CNTNAP2: variants seen among roughly 807,000 people sequenced by gnomAD.
CNTNAP2 encodes the protein contactin associated protein 2, also known as contactin-associated protein-like 2.
Under a neutral mutation model 155.2 loss-of-function variants are expected in CNTNAP2, and 98 were observed. The observed-to-expected ratio is 0.63, with a 90% CI of 0.54 to 0.75. The LOEUF (loss-of-function observed/expected upper bound fraction) is 0.75, where lower values mean the gene tolerates loss of function less well. Ranked by LOEUF, CNTNAP2 falls within the 30% of genes least tolerant of loss-of-function variation. The pLI is 0.00. For missense variants in CNTNAP2, 1,727 were observed against 1,688.1 expected, an observed-to-expected ratio of 1.02 and a Z score of -0.40; for synonymous variants, 651 against 631.2, an observed-to-expected ratio of 1.03 and a Z score of -0.47.
chr7:148,187,816 C>T lies in CNTNAP2; in HGVS notation c.3010+15338C>T, dbSNP rs529783296. On this transcript the variant is annotated intron_variant, in intron 18 of 23. Transcript: ENST00000361727. ...ACAAATAAAATATTTATCCTCTAGGCATGAGTAAAGGAATTCACAAATCAG... is the reference window on the plus strand; with the variant it reads ...ACAAATAAAATATTTATCCTCTAGGTATGAGTAAAGGAATTCACAAATCAG... Among the ~76,000 whole-genome samples, 6 of 152,258 alleles carry T rather than the reference C, an allele frequency of 3.9e-5. No individual in the cohort carries two copies. The South Asian group carries it at 1.2e-3, about 32-fold the overall frequency.
At chr7:146,677,637 G>A (rs1305153327) in intron 1 of CNTNAP2, among the ~76,000 whole-genome samples, 2 of 151,820 alleles carry the variant, frequency 1.3e-5, no homozygotes, top group Non-Finnish European at 2.9e-5. Context: ...TTGTTCCGAG[G>A]AGTGCCCAAT....
At chr7:147,599,541 T>C (rs1464831715) in intron 12 of CNTNAP2, among the ~76,000 whole-genome samples, 2 of 151,052 alleles carry the variant, frequency 1.3e-5, no homozygotes, top group Non-Finnish European at 2.9e-5. Flanking sequence ...CAGAAATTTA[T>C]CCTCTCATAG....
chr7:148,085,533 T>C (rs1803707995), intron 15 of CNTNAP2, among the ~76,000 whole-genome samples: 1 of 152,208 alleles, frequency 6.6e-6, no homozygotes, highest in Non-Finnish European at 1.5e-5. Context: ...TTTAAAAGAA[T>C]ACCCGTGTTT....
intron 8 of CNTNAP2, among the ~76,000 whole-genome samples, chr7:147,191,298 G>A (rs748628099): frequency 6.6e-6 from 1 of 152,124 alleles, no homozygotes; most frequent in Non-Finnish European, 1.5e-5. Context: ...TGGAATTCAG[G>A]GAGTAAGATA....
At chr7:146,680,830 G>A (rs67925617) in intron 1 of CNTNAP2, among the ~76,000 whole-genome samples, 16,523 of 152,186 alleles carry the variant, frequency 0.11, 1,471 homozygotes, top group African/African-American at 0.24. Flanking sequence ...CCATGGGCCT[G>A]TAAGTGACAC....
At chr7:148,294,791 T>C (rs73466229) in intron 21 of CNTNAP2, among the ~76,000 whole-genome samples, 117 of 152,308 alleles carry the variant, frequency 7.7e-4, no homozygotes, top group African/African-American at 2.8e-3. Context: ...TTTTATACCA[T>C]TTTAACATAC....
intron 20 of CNTNAP2, among the ~76,000 whole-genome samples, chr7:148,249,077 T>C (rs79509517): frequency 0.023 from 3,458 of 152,320 alleles, 50 homozygotes; most frequent in Non-Finnish European, 0.038. Context: ...GCCTTATTAT[T>C]ATGTTATAAG....
intron 21 of CNTNAP2, among the ~76,000 whole-genome samples, chr7:148,339,911 A>G (rs567182808): frequency 1.3e-5 from 2 of 152,192 alleles, no homozygotes; most frequent in East Asian, 3.9e-4. Flanking sequence ...TCTACTCCAC[A>G]GGGTCACTGC....
chr7:147,904,251 G>A (rs1799922366), intron 14 of CNTNAP2, among the ~76,000 whole-genome samples: 1 of 152,142 alleles, frequency 6.6e-6, no homozygotes, highest in Admixed American at 6.5e-5. Flanking sequence ...TTCATACCTG[G>A]AATTGTTTAT....
At chr7:147,371,753 G>T (rs1525224) in intron 9 of CNTNAP2, among the ~76,000 whole-genome samples, 2,431 of 152,200 alleles carry the variant, frequency 0.016, 67 homozygotes, top group African/African-American at 0.055. Flanking sequence ...CTCTCCAGGG[G>T]TGCTCACTTA....
At chr7:147,663,849 C>T (rs1795654710) in intron 13 of CNTNAP2, among the ~76,000 whole-genome samples, 1 of 151,512 alleles carries the variant, frequency 6.6e-6, no homozygotes. Flanking sequence ...CTTTTAAAGC[C>T]CTTTAATTTC....
chr7:147,416,148 A>G (rs917416405), intron 10 of CNTNAP2, among the ~76,000 whole-genome samples: 32 of 152,064 alleles, frequency 2.1e-4, no homozygotes, highest in African/African-American at 7.5e-4. Flanking sequence ...ATTTCTTTCC[A>G]TCAGCCTCTG....
At chr7:148,201,170 G>A (rs1795363888) in intron 18 of CNTNAP2, among the ~76,000 whole-genome samples, 1 of 152,198 alleles carries the variant, frequency 6.6e-6, no homozygotes, top group African/African-American at 2.4e-5. Flanking sequence ...GAAGCAAAAT[G>A]TCATTTGGAA....
intron 1 of CNTNAP2, among the ~76,000 whole-genome samples, chr7:146,256,393 T>C (rs1331860779): frequency 6.6e-6 from 1 of 152,186 alleles, no homozygotes; most frequent in African/African-American, 2.4e-5. Context: ...AGGTCCATTC[T>C]GTGAAATTCC....
intron 21 of CNTNAP2, among the ~76,000 whole-genome samples, chr7:148,353,007 T>TTA (rs1373703099): frequency 6.6e-6 from 1 of 152,188 alleles, no homozygotes; most frequent in Non-Finnish European, 1.5e-5. Flanking sequence ...TTTTGAGAGA[T>TTA]TATAACTCAC....
intron 1 of CNTNAP2, among the ~76,000 whole-genome samples, chr7:146,150,670 ACT>A (rs1798023378): frequency 6.6e-6 from 1 of 152,068 alleles, no homozygotes; most frequent in African/African-American, 2.4e-5. Flanking sequence ...TTTTATTAAT[ACT>A]CTCAATAGAA....
rs546370737 is a variant in CNTNAP2, at chr7:147,047,185, T to G, written c.550+3131T>G. ...GTGCAGTTGTGCAATCTTGGCTCAC[T>G]GCATGCTCTGCCTCCCGGGTTCATG... is the stretch of plus-strand genomic sequence containing the variant. On this transcript the variant is annotated intron_variant, in intron 4 of 23. Coordinates refer to ENST00000361727, the MANE Select transcript of CNTNAP2 (RefSeq NM_014141.6). Among the ~76,000 whole-genome samples, 191 of 140,158 alleles carry G rather than the reference T, an allele frequency of 1.4e-3. 4 individuals carry two copies. The highest frequency in any genetic ancestry group is 4.4e-3 in the African/African-American group (170 of 38,394). 91.9% of individuals were successfully genotyped at this position (140,158 alleles called of 152,430 possible). A position where few individuals can be genotyped will look rare whatever the true frequency, so the allele number is the denominator to read the frequency against.
At chr7:146,154,724 G>C (rs1373235189) in intron 1 of CNTNAP2, among the ~76,000 whole-genome samples, 4 of 152,146 alleles carry the variant, frequency 2.6e-5, no homozygotes, top group Non-Finnish European at 5.9e-5. Context: ...AGATGCCACT[G>C]GACCTGCCTC....
At chr7:146,155,465 G>T (rs1798110908) in intron 1 of CNTNAP2, among the ~76,000 whole-genome samples, 1 of 151,902 alleles carries the variant, frequency 6.6e-6, no homozygotes, top group African/African-American at 2.4e-5. Context: ...ATGTGTCCCG[G>T]CCAGTCATGA....
Sources: gnomAD v4.1 joint callset for allele counts (sites outside exome capture counted in the v4.1 genomes callset) on GRCh38, gnomAD v4.1.1 for gene constraint, MANE v1.5 for transcripts, NCBI Gene and HGNC (gene_info 2026-07-23, HGNC 2026-07-21) for gene names.